Variants in KLHL4 observed in about 807,000 individuals in gnomAD.
KLHL4 encodes the protein kelch like family member 4, also known as kelch-like protein 4.
KLHL4 carries 17 observed loss-of-function variants against 45.8 expected under a neutral mutation model. The observed-to-expected ratio is 0.37, with a 90% confidence interval of 0.25 to 0.56. The LOEUF is 0.56. Among genes scored for constraint, KLHL4 ranks in the 20% least tolerant of loss-of-function variants. The pLI is 0.79. For missense variants in KLHL4, 544 were observed against 544.9 expected (o/e 1.00, Z 0.02); for synonymous variants, 224 against 189.9 (o/e 1.18, Z -1.47).
chrX:87,598,252 A>G (rs181162605), intron 1 of KLHL4, among the ~76,000 whole-genome samples: 171 of 110,869 alleles, frequency 1.5e-3, no homozygotes, highest in African/African-American at 5.4e-3. Context: ...TTTTAAAATT[A>G]TGTCTTCTCT....
rs1186083578 is a variant in KLHL4, at chrX:87,667,288, T to C, written c.*754T>C. 2 of 721,801 alleles carry C rather than the reference T, an allele frequency of 2.8e-6. No homozygotes were observed. The highest frequency in any genetic ancestry group is 3.3e-6 in the Non-Finnish European group (2 of 611,063). 59.5% of individuals were successfully genotyped at this position (721,801 alleles called of 1,213,427 possible). ...ACAATGAAATAATGAATATTTATCA[T>C]ATTGATACAAACTGTGACCTCAGCT... is the stretch of plus-strand genomic sequence containing the variant. On this transcript the variant is annotated 3_prime_UTR_variant, in exon 11 of 11. Coordinates refer to ENST00000373119, the MANE Select transcript of KLHL4 (RefSeq NM_019117.5).
In KLHL4 at chrX:87,666,659, C is replaced by A. The variant is rs966119115; in HGVS notation, c.*125C>A. 4.8e-5 allele frequency: 48 copies of A among 1,003,263 alleles called. No individual in the cohort carries two copies. Among genetic ancestry groups the A allele is most frequent in the Non-Finnish European group, 6.1e-5 (48 of 790,208 alleles). The allele number at this position is 1,003,263 out of a possible 1,213,427, so 82.7% of individuals were successfully genotyped here. ...TAATCAGACTGGAAAATTGTTGTAT[C>A]ATTTTAATTTGTAGTTACAATTGCT... On this transcript the variant is annotated 3_prime_UTR_variant, in exon 11 of 11. Coordinates refer to ENST00000373119, the MANE Select transcript of KLHL4 (RefSeq NM_019117.5).
intron 1 of KLHL4, among the ~76,000 whole-genome samples, chrX:87,593,029 T>A (rs1921725904): frequency 8.9e-6 from 1 of 111,997 alleles, no homozygotes; most frequent in Admixed American, 9.5e-5. Flanking sequence ...CTGTCATTTG[T>A]TCTCCATTTT....
intron 9 of KLHL4, among the ~76,000 whole-genome samples, chrX:87,660,358 G>T (rs779490788): frequency 9.0e-6 from 1 of 111,383 alleles, no homozygotes; most frequent in Admixed American, 9.6e-5. Flanking sequence ...AGGTATTTAT[G>T]GTTCTACACC....
intron 9 of KLHL4, among the ~76,000 whole-genome samples, chrX:87,645,649 C>T (rs1281889636): frequency 2.7e-5 from 3 of 111,397 alleles, no homozygotes; most frequent in African/African-American, 6.5e-5. Context: ...TGGAACCAAC[C>T]CAGATACCCA....
chrX:87,606,881 T>G lies in KLHL4; in HGVS notation c.423-6996T>G, dbSNP rs753852977. Among the ~76,000 whole-genome samples, 3 of 111,516 alleles carry G rather than the reference T, an allele frequency of 2.7e-5. No individual in the cohort carries two copies. In the East Asian group the frequency reaches 8.4e-4, roughly 31 times the overall value. On this transcript the variant is annotated intron_variant, in intron 1 of 10. Coordinates refer to ENST00000373119, the MANE Select transcript of KLHL4 (RefSeq NM_019117.5). ...ACATTTGCACAGAGATATAAAGAAA[T>G]AAATACAAGCTAATACATATAAAGC...
At chrX:87,591,166 T>C (rs1921650695) in intron 1 of KLHL4, among the ~76,000 whole-genome samples, 1 of 112,115 alleles carries the variant, frequency 8.9e-6, no homozygotes, top group African/African-American at 3.2e-5. Context: ...CAGCCTTTTT[T>C]ATAAAAACCA....
At chrX:87,660,749 C>A (rs1461152843) in intron 9 of KLHL4, among the ~76,000 whole-genome samples, 1 of 112,397 alleles carries the variant, frequency 8.9e-6, no homozygotes, top group Non-Finnish European at 1.9e-5. Flanking sequence ...GAGGCTGAGG[C>A]ATGAGAATCA....
intron 1 of KLHL4, among the ~76,000 whole-genome samples, chrX:87,593,307 C>T (rs1432029547): frequency 9.0e-6 from 1 of 111,128 alleles, no homozygotes; most frequent in Non-Finnish European, 1.9e-5. Context: ...CCTTCTAGGA[C>T]TTCTACTGTG....
chrX:87,614,083 G>A (rs1922473513), intron 2 of KLHL4, 39 bp downstream of exon 2: 2 of 993,853 alleles, frequency 2.0e-6, no homozygotes, highest in Non-Finnish European at 2.8e-6. Context: ...TTTGAGTAGG[G>A]CAATTATAAA....
chrX:87,642,963 A>C, intron 9 of KLHL4, among the ~76,000 whole-genome samples: 1 of 112,272 alleles, frequency 8.9e-6, no homozygotes, highest in African/African-American at 3.2e-5. Flanking sequence ...CTAAAAGCTT[A>C]GAAAACATAT....
rs934490956 is a variant in KLHL4, at chrX:87,667,657, T to A, written c.*1123T>A. 7.1e-5 allele frequency: 42 copies of A among 587,775 alleles called. No homozygotes were observed. Among genetic ancestry groups the A allele is most frequent in the Non-Finnish European group, 8.2e-5 (40 of 489,163 alleles). 48.4% of individuals were successfully genotyped at this position (587,775 alleles called of 1,213,427 possible). A position where few individuals can be genotyped will look rare whatever the true frequency, so the allele number is the denominator to read the frequency against. ...ATGGCTAGTTGAATAGTATTTTATG[T>A]GTAATTCTTCCATTTATTCTGTTTA... is the stretch of plus-strand genomic sequence containing the variant. On this transcript the variant is annotated 3_prime_UTR_variant, in exon 11 of 11. Coordinates refer to ENST00000373119, the MANE Select transcript of KLHL4 (RefSeq NM_019117.5).
At position 87,617,967 on chromosome X, in the gene KLHL4, T is replaced by C. The variant is rs146829726; in HGVS notation, c.763T>C (p.Leu255=). The change falls in exon 4 of 11, where the codon TTG becomes CTG. Residue 255 remains leucine, a synonymous_variant. Transcript: ENST00000373119. ...ATTGAAAGAAGATACCATTGAAAGT[T>C]TGCTGGCTGCAGCTTGTCTTCTGCA... ...LQLKEDTIES[L]LAAACLLQLT... 1 of 1,210,755 alleles carries C rather than the reference T, an allele frequency of 8.3e-7. No individual in the cohort carries two copies. The highest frequency in any genetic ancestry group is 1.1e-6 in the Non-Finnish European group (1 of 894,807).
At chrX:87,661,841 T>C (rs1924199897) in intron 9 of KLHL4, among the ~76,000 whole-genome samples, 1 of 111,896 alleles carries the variant, frequency 8.9e-6, no homozygotes, top group African/African-American at 3.2e-5. Context: ...CAGATAGATC[T>C]GAGTTCAAAC....
At chrX:87,544,978 G>A (rs1471201594) in intron 1 of KLHL4, among the ~76,000 whole-genome samples, 1 of 112,171 alleles carries the variant, frequency 8.9e-6, no homozygotes, top group East Asian at 2.8e-4. Context: ...TAGTGACTAA[G>A]TCCTGGAGAA....
intron 1 of KLHL4, among the ~76,000 whole-genome samples, chrX:87,529,567 T>G (rs1279033522): frequency 9.0e-6 from 1 of 111,574 alleles, no homozygotes; most frequent in Non-Finnish European, 1.9e-5. Flanking sequence ...ATAGAGTCTT[T>G]AATCTTGATC....
rs145775481 is a variant in KLHL4, at chrX:87,615,395, A to G, written c.727+825A>G. 5.4e-3 allele frequency among the ~76,000 whole-genome samples: 604 copies of G among 111,545 alleles called. 5 individuals are homozygous for G. The highest frequency in any genetic ancestry group is 0.018 in the African/African-American group (570 of 30,836). On this transcript the variant is annotated intron_variant, in intron 3 of 10. Transcript: ENST00000373119. ...ATCCCATGAGAATTTGGTACCAACAACAATTCATTTAAAAATATATCTGTA... is the reference window on the plus strand; with the variant it reads ...ATCCCATGAGAATTTGGTACCAACAGCAATTCATTTAAAAATATATCTGTA...
intron 1 of KLHL4, among the ~76,000 whole-genome samples, chrX:87,575,469 C>CA: frequency 9.0e-6 from 1 of 111,678 alleles, no homozygotes; most frequent in East Asian, 2.8e-4. Flanking sequence ...TCCCTGGTGC[C>CA]AAAAAGGTTG....
At chrX:87,638,458 C>T (rs1270407492) in intron 9 of KLHL4, among the ~76,000 whole-genome samples, 1 of 111,458 alleles carries the variant, frequency 9.0e-6, no homozygotes, top group Non-Finnish European at 1.9e-5. Flanking sequence ...CACCAGGTAA[C>T]CTAAAAAGGA....
Sources: gnomAD v4.1 joint callset for allele counts (sites outside exome capture counted in the v4.1 genomes callset) on GRCh38, gnomAD v4.1.1 for gene constraint, MANE v1.5 for transcripts, NCBI Gene and HGNC (gene_info 2026-07-23, HGNC 2026-07-21) for gene names.